C17orf67: variants seen among roughly 807,000 people sequenced by gnomAD.
C17orf67 encodes chromosome 17 open reading frame 67.
A neutral mutation model predicts 11.2 loss-of-function variants in C17orf67; 12 were observed. That is an observed-to-expected ratio of 1.07 (90% confidence interval 0.68 to 1.73). The LOEUF (loss-of-function observed/expected upper bound fraction) is 1.73, where lower values mean the gene tolerates loss of function less well. Among genes scored for constraint, C17orf67 ranks in the 40% most tolerant of loss-of-function variants. The pLI is 0.00. For missense variants in C17orf67, 115 were observed against 113.5 expected, an observed-to-expected ratio of 1.01 and a Z score of -0.06; for synonymous variants, 59 against 46.9, an observed-to-expected ratio of 1.26 and a Z score of -1.05.
chr17:56,807,622 G>T (rs1007795147), intron 6 of C17orf67, among the ~76,000 whole-genome samples: 2 of 152,158 alleles, frequency 1.3e-5, no homozygotes, highest in Non-Finnish European at 2.9e-5. Flanking sequence ...GGAAAGCTCA[G>T]AATATTTTTC....
intron 6 of C17orf67, among the ~76,000 whole-genome samples, chr17:56,806,331 T>C (rs777564997): frequency 6.6e-6 from 1 of 152,324 alleles, no homozygotes; most frequent in East Asian, 1.9e-4. Flanking sequence ...TTTTCAATAG[T>C]ACGTGTGAAA....
At chr17:56,804,511 G>A (rs779561170) in intron 6 of C17orf67, among the ~76,000 whole-genome samples, 15 of 152,140 alleles carry the variant, frequency 9.9e-5, no homozygotes, top group Admixed American at 2.0e-4. Flanking sequence ...TTTACACCTC[G>A]GTCACTCCAA....
chr17:56,820,424 G>C (rs948314206), intron 4 of C17orf67, among the ~76,000 whole-genome samples: 1 of 152,072 alleles, frequency 6.6e-6, no homozygotes, highest in Non-Finnish European at 1.5e-5. Context: ...CCATCGCAGG[G>C]CACACTCTCA....
At chr17:56,822,003 T>C (rs1405582234) in intron 4 of C17orf67, among the ~76,000 whole-genome samples, 1 of 152,222 alleles carries the variant, frequency 6.6e-6, no homozygotes, top group Non-Finnish European at 1.5e-5. Context: ...ACATGCAAAG[T>C]AGCTAAGAAA....
chr17:56,816,370 T>C (rs1905761921), intron 4 of C17orf67, among the ~76,000 whole-genome samples: 1 of 152,170 alleles, frequency 6.6e-6, no homozygotes, highest in African/African-American at 2.4e-5. Flanking sequence ...TTTCTAGCAA[T>C]GTAGCCTTAG....
Position 56,833,342 on chromosome 17 carries a change from G to A in C17orf67, c.-1001C>T, listed in dbSNP as rs970861046. 1 of 153,920 alleles carries A rather than the reference G, an allele frequency of 6.5e-6. No individual in the cohort carries two copies. The highest frequency in any genetic ancestry group is 1.5e-5 in the Non-Finnish European group (1 of 68,676). 9.5% of individuals were successfully genotyped at this position (153,920 alleles called of 1,614,324 possible). On this transcript the variant is annotated splice_region_variant and 5_prime_UTR_variant, in exon 2 of 8. Coordinates refer to ENST00000397861, the MANE Select transcript of C17orf67 (RefSeq NM_001085430.4). Reference sequence around the variant, plus strand: ...AGCGAGCATTCCTCCGGAACCTGGGGCTGGACGACAGCAGCAGGAGGCGTG... The same window carrying A: ...AGCGAGCATTCCTCCGGAACCTGGGACTGGACGACAGCAGCAGGAGGCGTG...
At chr17:56,802,864 C>CTATT in intron 6 of C17orf67, among the ~76,000 whole-genome samples, 1 of 152,342 alleles carries the variant, frequency 6.6e-6, no homozygotes, top group Non-Finnish European at 1.5e-5. Flanking sequence ...TAAGGCCAAA[C>CTATT]TATTTTTAGA....
intron 2 of C17orf67, among the ~76,000 whole-genome samples, chr17:56,827,902 A>C (rs983328278): frequency 1.3e-5 from 2 of 152,176 alleles, no homozygotes; most frequent in Admixed American, 6.5e-5. Context: ...CTCCATTAGC[A>C]TCATTTAAAA....
At chr17:56,806,204 G>A (rs954809674) in intron 6 of C17orf67, among the ~76,000 whole-genome samples, 1 of 152,020 alleles carries the variant, frequency 6.6e-6, no homozygotes, top group African/African-American at 2.4e-5. Flanking sequence ...TCGATCTCCT[G>A]ACCTCATGAT....
In C17orf67 at chr17:56,794,688, T is replaced by C. The variant is rs192311338; in HGVS notation, c.*20+356A>G. 1.6e-3 allele frequency among the ~76,000 whole-genome samples: 243 copies of C among 152,296 alleles called. 4 individuals carry two copies. The highest frequency in any genetic ancestry group is 4.0e-4 in the Non-Finnish European group (27 of 68,020). The stretch of plus-strand genomic sequence containing the variant: ...GATGATCATGGTAGATGTCACAGGT[T>C]GACTCCACGAATGCTGAGCCCACCT... On this transcript the variant is annotated intron_variant, in intron 7 of 7. Coordinates refer to ENST00000397861, the MANE Select transcript of C17orf67 (RefSeq NM_001085430.4).
At chr17:56,832,711 T>C (rs73325050) in intron 2 of C17orf67, among the ~76,000 whole-genome samples, 187 bp downstream of exon 2, 2,518 of 152,266 alleles carry the variant, frequency 0.017, 64 homozygotes, top group African/African-American at 0.058. Flanking sequence ...CTTAAACACC[T>C]AGTCACTTCT....
intron 6 of C17orf67, among the ~76,000 whole-genome samples, 181 bp downstream of exon 6, chr17:56,814,688 G>A (rs767266837): frequency 4.6e-5 from 7 of 152,124 alleles, no homozygotes; most frequent in Non-Finnish European, 7.4e-5. Context: ...CAGGTGAGTC[G>A]GGCTGGCACC....
At position 56,814,872 on chromosome 17, in the gene C17orf67, C is replaced by A. The variant is rs1415799991; in HGVS notation, c.153G>T (p.Met51Ile). 4.3e-6 allele frequency: 7 copies of A among 1,613,702 alleles called. No homozygotes were observed. Among genetic ancestry groups the A allele is most frequent in the East Asian group, 2.2e-5 (1 of 44,890 alleles). ...PSKPGFPDEPMREYMHHLLAL... is the reference protein window; with the variant it reads ...PSKPGFPDEPIREYMHHLLAL... ...ACTGCCAGAGCAAAGCACTCACCCG[C>A]ATTGGCTCATCGGGGAATCCGGGTT... The change falls in exon 6 of 8, where the codon ATG becomes ATT. Residue 51 changes from methionine (M) to isoleucine (I), a missense_variant. Coordinates refer to ENST00000397861, the MANE Select transcript of C17orf67 (RefSeq NM_001085430.4).
At chr17:56,809,338 A>G (rs1905531236) in intron 6 of C17orf67, among the ~76,000 whole-genome samples, 1 of 151,886 alleles carries the variant, frequency 6.6e-6, no homozygotes, top group Non-Finnish European at 1.5e-5. Flanking sequence ...GTGGCATCCA[A>G]GTACCTTCCA....
chr17:56,820,051 C>T (rs1905861240), intron 4 of C17orf67, among the ~76,000 whole-genome samples: 3 of 152,096 alleles, frequency 2.0e-5, no homozygotes, highest in Admixed American at 6.5e-5. Context: ...GATGTTGTGG[C>T]CTAGGAAAGC....
intron 2 of C17orf67, among the ~76,000 whole-genome samples, chr17:56,825,876 G>A (rs1324773193): frequency 6.6e-6 from 1 of 152,162 alleles, no homozygotes; most frequent in Non-Finnish European, 1.5e-5. Context: ...TGGAGTGAGA[G>A]ATGGTGATTC....
At chr17:56,825,960 T>TGCGC (rs1555594195) in intron 2 of C17orf67, among the ~76,000 whole-genome samples, 54 of 151,088 alleles carry the variant, frequency 3.6e-4, no homozygotes, top group East Asian at 1.8e-3. Flanking sequence ...TGTGTGTGTG[T>TGCGC]GCACGCGTGT....
chr17:56,803,795 A>C (rs1022083818), intron 6 of C17orf67: 7 of 152,238 alleles, frequency 4.6e-5, no homozygotes, highest in Non-Finnish European at 8.8e-5. Flanking sequence ...GAAGAAAAAC[A>C]ACCAAAACAG....
intron 6 of C17orf67, 133 bp from the exon 7 acceptor site, chr17:56,795,313 C>A (rs1487668342): frequency 3.4e-5 from 25 of 744,596 alleles, no homozygotes; most frequent in Admixed American, 6.1e-5. Context: ...TCAACGGCCA[C>A]ACCCATGCCT....
Sources: gnomAD v4.1 joint callset for allele counts (sites outside exome capture counted in the v4.1 genomes callset) on GRCh38, gnomAD v4.1.1 for gene constraint, MANE v1.5 for transcripts, NCBI Gene and HGNC (gene_info 2026-07-23, HGNC 2026-07-21) for gene names.